The following AHCY variants were observed in gnomAD, a reference collection of about 807,000 sequenced individuals.
AHCY encodes the protein S-adenosyl-L-homocysteine hydrolase.
In AHCY, 24 loss-of-function variants were observed where a neutral mutation model predicts 45.4. That is an observed-to-expected ratio of 0.53 (90% CI 0.38 to 0.74). The LOEUF (loss-of-function observed/expected upper bound fraction) is 0.74. Among genes scored for constraint, AHCY ranks in the 30% least tolerant of loss-of-function variants. AHCY has a pLI of 0.00. For synonymous variants in AHCY, 245 were observed against 235.1 expected, an observed-to-expected ratio of 1.04 and a Z score of -0.39; for missense variants, 449 against 594.1, an observed-to-expected ratio of 0.76 and a Z score of 2.54.
upstream of AHCY, among the ~76,000 whole-genome samples, chr20:34,306,615 C>T (rs144729803): frequency 0.016 from 2,393 of 152,224 alleles, 69 homozygotes; most frequent in African/African-American, 0.055. Flanking sequence ...GTGATCCTCC[C>T]GCCTTGGCCT....
At chr20:34,267,807 A>G in the AHCY span, among the ~76,000 whole-genome samples, 1 of 151,902 alleles carries the variant, frequency 6.6e-6, no homozygotes, top group African/African-American at 2.4e-5. Flanking sequence ...CTGGGATTAC[A>G]GGCATGAGCC....
At chr20:34,307,412 GCCCAGGCTGGAAT>G (rs1282421938), upstream of AHCY, among the ~76,000 whole-genome samples, 15 of 150,900 alleles carry the variant, frequency 9.9e-5, no homozygotes, top group Non-Finnish European at 2.1e-4. Flanking sequence ...CGCTCTTGTT[GCCCAGGCTGGAAT>G]GCAATGGCAA....
chr20:34,295,113 T>C (rs2036528187), intron 2 of AHCY: 2 of 537,048 alleles, frequency 3.7e-6, no homozygotes, highest in Admixed American at 2.9e-5. Context: ...AGAGACTAAG[T>C]AGGACATGGG....
At chr20:34,263,293 G>A in the AHCY span, among the ~76,000 whole-genome samples, 6 of 152,206 alleles carry the variant, frequency 3.9e-5, no homozygotes, top group African/African-American at 9.7e-5. Flanking sequence ...GGCCGGATGC[G>A]GTGGCTCACG....
chr20:34,310,202 T>TGCCACCACGCCC lies in AHCY; in HGVS notation c.-57+1258_-57+1269dup, dbSNP rs1342137197. 3.0e-3 allele frequency among the ~76,000 whole-genome samples: 463 copies of TGCCACCACGCCC among 152,150 alleles called. 3 individuals carry two copies. Among genetic ancestry groups the TGCCACCACGCCC allele is most frequent in the African/African-American group, 0.011 (443 of 41,516 alleles). On this transcript the variant is annotated intron_variant, in intron 1 of 9. Transcript: ENST00000538132. The stretch of plus-strand genomic sequence containing the variant: ...CCAAGTAGCTGGGATTACAGGCGCC[T>TGCCACCACGCCC]GCCACCACGCCCAGCTAATTATTTT...
chr20:34,311,292 T>C (rs1460206675), intron 1 of AHCY, among the ~76,000 whole-genome samples: 1 of 152,194 alleles, frequency 6.6e-6, no homozygotes, highest in Non-Finnish European at 1.5e-5. Flanking sequence ...AGGCTGGATG[T>C]ACAAGAAACT....
chr20:34,260,320 T>C, the AHCY span: 1 of 1,563,292 alleles, frequency 6.4e-7, no homozygotes, highest in East Asian at 2.3e-5. Flanking sequence ...CCTCTTACCA[T>C]TACCCCTGAC....
chr20:34,308,047 G>A (rs977887182), upstream of AHCY, among the ~76,000 whole-genome samples: 1 of 152,096 alleles, frequency 6.6e-6, no homozygotes, highest in Admixed American at 6.5e-5. Flanking sequence ...AGAACATGCT[G>A]TATTTGGTTT....
the AHCY span, chr20:34,269,028 C>T: frequency 3.7e-6 from 6 of 1,607,960 alleles, no homozygotes; most frequent in East Asian, 2.2e-5. Context: ...CGGCCCCGGA[C>T]CCCCCTATCT....
At chr20:34,301,479 C>T (rs1470804071) in intron 1 of AHCY, among the ~76,000 whole-genome samples, 2 of 152,224 alleles carry the variant, frequency 1.3e-5, no homozygotes, top group African/African-American at 2.4e-5. Context: ...CCAAGAGGAA[C>T]AGCAAGAGCC....
In AHCY at chr20:34,310,286, C is replaced by T. The variant is rs377707909; in HGVS notation, c.-57+1186G>A. Among the ~76,000 whole-genome samples the T allele has an allele frequency of 3.1e-3, 476 of 152,252 alleles. 1 individual carries two copies. Among genetic ancestry groups the T allele is most frequent in the Middle Eastern group, 6.8e-3 (2 of 294 alleles). The stretch of plus-strand genomic sequence containing the variant: ...ATGTTGGCCAGGCTGGTCTTGAACG[C>T]CTGACCTCGTGATCCACCTGCCTTG... On this transcript the variant is annotated intron_variant, in intron 1 of 9. Transcript: ENST00000538132.
the AHCY span, among the ~76,000 whole-genome samples, chr20:34,233,142 G>A: frequency 8.3e-6 from 1 of 120,284 alleles, no homozygotes; most frequent in African/African-American, 4.6e-5. Flanking sequence ...TGGGACAAGA[G>A]CTTTTTTTTT....
the AHCY span, among the ~76,000 whole-genome samples, chr20:34,258,255 A>G: frequency 1.3e-5 from 2 of 151,998 alleles, no homozygotes; most frequent in African/African-American, 2.4e-5. Context: ...GATTCTTACA[A>G]TCTAGACGGA....
intron 8 of AHCY, among the ~76,000 whole-genome samples, chr20:34,289,409 G>A (rs1248151766): frequency 2.0e-5 from 3 of 149,386 alleles, no homozygotes; most frequent in Admixed American, 6.7e-5. Context: ...TCCTGACCTC[G>A]TGATCTGCCC....
chr20:34,282,990 C>T (rs1015057724), intron 9 of AHCY, among the ~76,000 whole-genome samples: 2 of 152,074 alleles, frequency 1.3e-5, no homozygotes, highest in African/African-American at 2.4e-5. Context: ...AGGATGGGTG[C>T]GGTTTATCCT....
rs760264062 is a variant in AHCY, at chr20:34,290,527, C to T, written c.854+24G>A. 1.6e-5 allele frequency: 26 copies of T among 1,613,900 alleles called. No homozygotes were observed. Among genetic ancestry groups the T allele is most frequent in the African/African-American group, 1.2e-4 (9 of 74,916 alleles). ...AACTCTGCCCTCCTCCCTCACTCCC[C>T]GGGACCCCCCATCTGGCACCTACCG... is the stretch of plus-strand genomic sequence containing the variant. On this transcript the variant is annotated intron_variant, in intron 7 of 9. Transcript: ENST00000217426. The surrounding 1 kb of genome is among the most constrained non-coding windows in gnomAD (Gnocchi z 4.5).
intron 3 of AHCY, among the ~76,000 whole-genome samples, chr20:34,292,939 C>G (rs569961641): frequency 8.5e-5 from 13 of 152,214 alleles, no homozygotes; most frequent in African/African-American, 3.1e-4. Flanking sequence ...AACGCCTCCC[C>G]CTCAGCAGGA....
At chr20:34,254,820 T>C in the AHCY span, among the ~76,000 whole-genome samples, 165 of 152,300 alleles carry the variant, frequency 1.1e-3, 2 homozygotes, top group East Asian at 0.029. Context: ...AGAATATACA[T>C]ATCCCTCCAG....
At chr20:34,241,453 G>A in the AHCY span, 1 of 985,454 alleles carries the variant, frequency 1.0e-6, no homozygotes, top group South Asian at 4.7e-5. Flanking sequence ...AGGTGAAAAA[G>A]GAAGTTCCTT....
Sources: gnomAD v4.1 joint callset for allele counts (sites outside exome capture counted in the v4.1 genomes callset) on GRCh38, gnomAD v4.1.1 for gene constraint, Gnocchi (gnomAD v3.1) non-coding constraint, MANE v1.5 for transcripts, NCBI Gene and HGNC (gene_info 2026-07-23, HGNC 2026-07-21) for gene names.